The following C4orf51 variants were observed in gnomAD, a reference collection of about 807,000 sequenced individuals.
The protein encoded by C4orf51 is chromosome 4 open reading frame 51.
A neutral mutation model predicts 25.2 loss-of-function variants in C4orf51; 25 were observed. That is an observed-to-expected ratio of 0.99 (90% CI 0.72 to 1.39). C4orf51 has a LOEUF of 1.39. C4orf51 is among the 40% of genes most tolerant of loss of function. The pLI, the probability that C4orf51 is intolerant of heterozygous loss-of-function variation, is 0.00. For missense variants in C4orf51, 252 were observed against 239.6 expected, an observed-to-expected ratio of 1.05 and a Z score of -0.34; for synonymous variants, 100 against 84.5, an observed-to-expected ratio of 1.18 and a Z score of -1.01.
downstream of C4orf51, among the ~76,000 whole-genome samples, chr4:145,771,549 G>A (rs752016341): frequency 5.3e-5 from 8 of 152,202 alleles, no homozygotes; most frequent in Non-Finnish European, 1.2e-4. Flanking sequence ...AAGCACCAAA[G>A]GGGATATTTT....
chr4:145,705,687 A>C (rs75679659), intron 2 of C4orf51, among the ~76,000 whole-genome samples: 4,886 of 152,288 alleles, frequency 0.032, 115 homozygotes, highest in Middle Eastern at 0.075. Flanking sequence ...GTCGTGTCCC[A>C]GTGATGAGCA....
chr4:145,735,707 C>A (rs1560858006), downstream of C4orf51, among the ~76,000 whole-genome samples: 1 of 152,190 alleles, frequency 6.6e-6, no homozygotes, highest in Non-Finnish European at 1.5e-5. Flanking sequence ...TCCTTATCTT[C>A]TTTCTCTTTT....
downstream of C4orf51, chr4:145,775,719 C>T: frequency 1.9e-6 from 3 of 1,579,790 alleles, no homozygotes; most frequent in East Asian, 2.2e-5. Flanking sequence ...ATGCCCACAG[C>T]AGACAGGTAG....
chr4:145,768,967 G>C (rs372532624), intron 1 of C4orf51, among the ~76,000 whole-genome samples: 1 of 132,588 alleles, frequency 7.5e-6, no homozygotes, highest in Non-Finnish European at 1.6e-5. Context: ...TACATCTAGA[G>C]TGTAAAATTA....
At chr4:145,721,383 T>C (rs1179015992) in intron 2 of C4orf51, among the ~76,000 whole-genome samples, 1 of 149,870 alleles carries the variant, frequency 6.7e-6, no homozygotes, top group Non-Finnish European at 1.5e-5. Flanking sequence ...GCCACCAATA[T>C]GTCTAGGTAG....
chr4:145,788,036 C>G, the C4orf51 span, among the ~76,000 whole-genome samples: 6 of 152,174 alleles, frequency 3.9e-5, no homozygotes, highest in African/African-American at 1.4e-4. Flanking sequence ...GGTAACCTGC[C>G]TAGTGACTCT....
At chr4:145,774,507 T>C (rs202043591), downstream of C4orf51, 251 of 1,609,618 alleles carry the variant, frequency 1.6e-4, no homozygotes, top group Non-Finnish European at 2.0e-4. Flanking sequence ...AATGGTCACC[T>C]GTGTGCTTGG....
chr4:145,684,569 C>T (rs1729030267), intron 1 of C4orf51, among the ~76,000 whole-genome samples: 1 of 152,182 alleles, frequency 6.6e-6, no homozygotes, highest in African/African-American at 2.4e-5. Flanking sequence ...ACGCACCTAT[C>T]AAGGTGAACC....
Position 145,680,338 on chromosome 4 carries a change from G to T in C4orf51, c.135G>T (p.Val45=). ...QDETRWSDSS[V]TTYTGSYRKK... ...AAACACGATGGTCAGATTCTTCCGTGACAACATACACAGGCAGTTACCGGA... is the reference window on the plus strand; with the variant it reads ...AAACACGATGGTCAGATTCTTCCGTTACAACATACACAGGCAGTTACCGGA... Residue 45 remains valine (V), a synonymous_variant, in exon 1 of 6, where the codon GTG becomes GTT. Transcript: ENST00000438731. The T allele has an allele frequency of 6.2e-7, 1 of 1,613,944 alleles. No individual in the cohort carries two copies. Among genetic ancestry groups the T allele is most frequent in the South Asian group, 1.1e-5 (1 of 91,062 alleles).
chr4:145,714,236 T>C (rs144800510), intron 2 of C4orf51, among the ~76,000 whole-genome samples: 1 of 152,330 alleles, frequency 6.6e-6, no homozygotes, highest in East Asian at 1.9e-4. Flanking sequence ...GAACCCACAC[T>C]GTCTCTAAAG....
At chr4:145,788,668 C>T in the C4orf51 span, among the ~76,000 whole-genome samples, 1 of 152,134 alleles carries the variant, frequency 6.6e-6, no homozygotes, top group Non-Finnish European at 1.5e-5. Flanking sequence ...AGCAAACTGA[C>T]AATATTGATT....
At chr4:145,703,706 A>G (rs1200947150) in intron 2 of C4orf51, among the ~76,000 whole-genome samples, 1 of 152,114 alleles carries the variant, frequency 6.6e-6, no homozygotes, top group East Asian at 1.9e-4. Context: ...CTTTCTCCCT[A>G]TGTTGTCTAG....
chr4:145,721,105 G>A (rs1731712692), intron 2 of C4orf51, among the ~76,000 whole-genome samples: 1 of 151,884 alleles, frequency 6.6e-6, no homozygotes, highest in African/African-American at 2.4e-5. Context: ...CCAGCACTTT[G>A]GGAGGCTGAG....
intron 2 of C4orf51, among the ~76,000 whole-genome samples, chr4:145,708,800 C>T (rs1210011031): frequency 3.3e-5 from 5 of 152,214 alleles, no homozygotes; most frequent in Non-Finnish European, 2.9e-5. Context: ...ATATCCTTGT[C>T]TCCATGAACT....
intron 3 of C4orf51, 99 bp downstream of exon 3, chr4:145,727,068 T>A: frequency 1.1e-6 from 1 of 898,536 alleles, no homozygotes; most frequent in Non-Finnish European, 1.8e-6. Context: ...GTTAAATTTT[T>A]AAAAAACAAT....
At chr4:145,686,293 G>A (rs1393356739) in intron 1 of C4orf51, among the ~76,000 whole-genome samples, 1 of 152,154 alleles carries the variant, frequency 6.6e-6, no homozygotes, top group Non-Finnish European at 1.5e-5. Context: ...TAGAGTTTTT[G>A]TTTGGGTTGA....
At chr4:145,683,924 T>C (rs531959554) in intron 1 of C4orf51, among the ~76,000 whole-genome samples, 3 of 152,128 alleles carry the variant, frequency 2.0e-5, no homozygotes, top group Admixed American at 1.3e-4. Flanking sequence ...ATTAAAAATA[T>C]CTGTTCTGAG....
In C4orf51 at chr4:145,680,429, T is replaced by A; in HGVS notation, c.226T>A (p.Cys76Ser). 1 of 1,612,552 alleles carries A rather than the reference T, an allele frequency of 6.2e-7. No homozygotes were observed. Among genetic ancestry groups the A allele is most frequent in the South Asian group, 1.1e-5 (1 of 90,966 alleles). The change falls in exon 1 of 6, where the codon TGT becomes AGT. Residue 76 changes from cysteine to serine, a missense_variant. Coordinates refer to ENST00000438731, the MANE Select transcript of C4orf51 (RefSeq NM_001080531.3). ...TAGAGCAGGACAGCATGAGCCTGAG[T>A]GTAAACAGTAAGATTTCTTTGTAAT... ...SFRAGQHEPE[C>S]KQMSLTNSSA...
intron 2 of C4orf51, among the ~76,000 whole-genome samples, chr4:145,707,840 G>T (rs1234993780): frequency 6.6e-6 from 1 of 152,210 alleles, no homozygotes; most frequent in Admixed American, 6.5e-5. Context: ...AAGTTTACTT[G>T]CCACCTCCAG....
Sources: allele counts gnomAD v4.1 joint callset (sites outside exome capture counted in the v4.1 genomes callset), GRCh38; gene constraint gnomAD v4.1.1; transcripts MANE v1.5; gene names NCBI Gene and HGNC (gene_info 2026-07-23, HGNC 2026-07-21).